HNF4G: variants seen among roughly 807,000 people sequenced by gnomAD.
HNF4G encodes the protein hepatocyte nuclear factor 4 gamma, also known as hepatocyte nuclear factor 4-gamma.
Under a neutral mutation model 50.9 loss-of-function variants are expected in HNF4G, and 21 were observed. That is an observed-to-expected ratio of 0.41 (90% CI 0.29 to 0.59). The LOEUF is 0.59. Among genes scored for constraint, HNF4G ranks in the 20% least tolerant of loss-of-function variants. The pLI, the probability that HNF4G is intolerant of heterozygous loss-of-function variation, is 0.26. For missense variants in HNF4G, 527 were observed against 559.4 expected, an observed-to-expected ratio of 0.94 and a Z score of 0.58; for synonymous variants, 198 against 185.6, an observed-to-expected ratio of 1.07 and a Z score of -0.54.
rs371752525 is a variant in HNF4G, at chr8:75,443,165, C to T, written c.-144+35003C>T. ...AACAGGAGAAGCAGCCATTATGAAC[C>T]TAGACTGGGCCTTCACCAGACACCA... On this transcript the variant is annotated intron_variant, in intron 1 of 10. Transcript: ENST00000354370. Among the ~76,000 whole-genome samples the T allele has an allele frequency of 6.6e-5, 10 of 152,230 alleles. No individual in the cohort carries two copies. In the East Asian group the frequency reaches 1.5e-3, roughly 24 times the overall value.
intron 5 of HNF4G, among the ~76,000 whole-genome samples, chr8:75,555,572 A>T (rs1056251247): frequency 1.3e-5 from 1 of 79,750 alleles, no homozygotes; most frequent in Non-Finnish European, 2.3e-5. Context: ...ACATGATGAG[A>T]TTTTTTTTAT....
intron 1 of HNF4G, among the ~76,000 whole-genome samples, chr8:75,488,272 T>C (rs1464731692): frequency 6.6e-6 from 1 of 152,106 alleles, no homozygotes; most frequent in African/African-American, 2.4e-5. Flanking sequence ...TTTTGTTTTG[T>C]TTTGTTTTAC....
chr8:75,545,378 T>C (rs965023000), intron 2 of HNF4G, among the ~76,000 whole-genome samples: 1 of 152,046 alleles, frequency 6.6e-6, no homozygotes, highest in Non-Finnish European at 1.5e-5. Flanking sequence ...GGAAAAGGGA[T>C]GCTCTCAGAG....
intron 1 of HNF4G, among the ~76,000 whole-genome samples, chr8:75,476,520 C>CT (rs995819909): frequency 5.3e-5 from 8 of 152,110 alleles, no homozygotes; most frequent in African/African-American, 1.9e-4. Flanking sequence ...GTTAATGTTT[C>CT]TTTTTGCACT....
At chr8:75,470,468 G>T (rs1414483460) in intron 1 of HNF4G, among the ~76,000 whole-genome samples, 1 of 152,022 alleles carries the variant, frequency 6.6e-6, no homozygotes, top group Non-Finnish European at 1.5e-5. Context: ...TCCCCCCACA[G>T]ATTGTTCATT....
intron 2 of HNF4G, among the ~76,000 whole-genome samples, chr8:75,519,058 C>T (rs893696533): frequency 2.6e-5 from 4 of 152,156 alleles, no homozygotes; most frequent in Admixed American, 6.6e-5. Context: ...ACCTCTTGAA[C>T]GCTTTGCTGC....
At chr8:75,423,815 CTTTTTTTTTTTTTTT>C (rs548125507) in intron 1 of HNF4G, among the ~76,000 whole-genome samples, 17 of 71,176 alleles carry the variant, frequency 2.4e-4, no homozygotes, top group Non-Finnish European at 4.2e-4. Context: ...AAGTTTCTTT[CTTTTTTTTTTTTTTT>C]TTTTTTTTTT....
intron 1 of HNF4G, among the ~76,000 whole-genome samples, chr8:75,462,621 T>G (rs1328294751): frequency 6.6e-6 from 1 of 152,202 alleles, no homozygotes; most frequent in Non-Finnish European, 1.5e-5. Flanking sequence ...ACTGTTGTAT[T>G]TTGATATTAA....
intron 1 of HNF4G, among the ~76,000 whole-genome samples, chr8:75,443,121 C>T (rs71529207): frequency 0.044 from 6,656 of 152,248 alleles, 193 homozygotes; most frequent in Non-Finnish European, 0.062. Context: ...TCTAGCTAGT[C>T]TCTTCTACCA....
intron 1 of HNF4G, among the ~76,000 whole-genome samples, chr8:75,473,380 G>T (rs1370506505): frequency 2.0e-5 from 3 of 152,118 alleles, no homozygotes; most frequent in Non-Finnish European, 4.4e-5. Context: ...GGACCAATAT[G>T]CTTGTATGTA....
In HNF4G at chr8:75,418,022, C is replaced by T. The variant is rs542093970; in HGVS notation, c.-144+9860C>T. Among the ~76,000 whole-genome samples the T allele has an allele frequency of 2.8e-3, 420 of 152,016 alleles. 3 individuals are homozygous for T. The highest frequency in any genetic ancestry group is 0.024 in the Middle Eastern group (7 of 294). On this transcript the variant is annotated intron_variant, in intron 1 of 10. Transcript: ENST00000354370. ...GGTAGGAGTGTTAGTTTGCTAGGGC[C>T]GCCATAACATAATGGGCCACGTACT... is the stretch of plus-strand genomic sequence containing the variant.
At chr8:75,441,314 C>T (rs534217883) in intron 1 of HNF4G, among the ~76,000 whole-genome samples, 1 of 151,390 alleles carries the variant, frequency 6.6e-6, no homozygotes, top group Non-Finnish European at 1.5e-5. Flanking sequence ...GGCACAGTCT[C>T]TGCACACTGC....
chr8:75,464,811 C>A (rs908858120), intron 1 of HNF4G, among the ~76,000 whole-genome samples: 1 of 151,988 alleles, frequency 6.6e-6, no homozygotes, highest in Non-Finnish European at 1.5e-5. Flanking sequence ...AGGAAAACAC[C>A]AGGGAACAAG....
At chr8:75,440,189 A>G (rs1811244444) in intron 1 of HNF4G, among the ~76,000 whole-genome samples, 1 of 152,196 alleles carries the variant, frequency 6.6e-6, no homozygotes, top group Non-Finnish European at 1.5e-5. Context: ...TATACAGTTT[A>G]CACAGAGATT....
chr8:75,509,593 A>G lies in HNF4G; in HGVS notation c.-24+19385A>G, dbSNP rs189411709. Among the ~76,000 whole-genome samples, 948 of 152,360 alleles carry G rather than the reference A, an allele frequency of 6.2e-3. 10 individuals carry two copies. Among genetic ancestry groups the G allele is most frequent in the Non-Finnish European group, 8.9e-3 (606 of 68,036 alleles). ...TTATCTTCTGTCTCTCATATACTGC[A>G]TAATATGCCACATAATGATGTTCTG... On this transcript the variant is annotated intron_variant, in intron 2 of 10. Transcript: ENST00000354370.
intron 3 of HNF4G, among the ~76,000 whole-genome samples, chr8:75,551,096 A>G (rs973764165): frequency 2.0e-5 from 3 of 152,110 alleles, no homozygotes. Context: ...TAACTTTGAG[A>G]GAATAGAAAA....
chr8:75,533,471 G>A (rs746408977), intron 2 of HNF4G, among the ~76,000 whole-genome samples: 80 of 151,908 alleles, frequency 5.3e-4, no homozygotes, highest in Non-Finnish European at 7.4e-5. Context: ...ATACAAGTTG[G>A]CATTAAACAA....
chr8:75,494,033 A>T (rs577012003), intron 2 of HNF4G, among the ~76,000 whole-genome samples: 1 of 152,280 alleles, frequency 6.6e-6, no homozygotes, highest in East Asian at 1.9e-4. Context: ...GCTATTTCAA[A>T]TAGTAATAGT....
intron 9 of HNF4G, among the ~76,000 whole-genome samples, chr8:75,562,940 A>G (rs1320950905): frequency 1.3e-5 from 2 of 152,170 alleles, no homozygotes; most frequent in African/African-American, 4.8e-5. Flanking sequence ...GCAGATTTTG[A>G]TATTGATTTG....
Sources: allele counts gnomAD v4.1 joint callset (sites outside exome capture counted in the v4.1 genomes callset), GRCh38; gene constraint gnomAD v4.1.1; transcripts MANE v1.5; gene names NCBI Gene and HGNC (gene_info 2026-07-23, HGNC 2026-07-21).